The following PHKB variants were observed in gnomAD, a reference collection of about 807,000 sequenced individuals.
PHKB encodes phosphorylase kinase regulatory subunit beta, also known as phosphorylase b kinase regulatory subunit beta.
In PHKB, 122 loss-of-function variants were observed where a neutral mutation model predicts 152.1. The ratio of observed to expected loss-of-function variants is 0.80; its 90% CI spans 0.69 to 0.93. The LOEUF is 0.93. Among genes scored for constraint, PHKB ranks in the 40% least tolerant of loss-of-function variants. The pLI is 0.00. For missense variants in PHKB, 1,304 were observed against 1,328.4 expected (o/e 0.98, Z 0.29); for synonymous variants, 436 against 464.9 (o/e 0.94, Z 0.80).
intron 1 of PHKB, among the ~76,000 whole-genome samples, chr16:47,461,846 C>CA (rs2151623500): frequency 6.6e-6 from 1 of 152,326 alleles, no homozygotes; most frequent in Non-Finnish European, 1.5e-5. Flanking sequence ...GATCTGGCTG[C>CA]AGAAAGCCGG....
chr16:47,574,806 C>T (rs1485676551), intron 7 of PHKB, among the ~76,000 whole-genome samples: 1 of 152,194 alleles, frequency 6.6e-6, no homozygotes, highest in Non-Finnish European at 1.5e-5. Context: ...CATTGGGGAT[C>T]AGATTTCAAC....
At chr16:47,462,745 T>C (rs1234575388) in intron 1 of PHKB, 2 of 151,872 alleles carry the variant, frequency 1.3e-5, no homozygotes, top group African/African-American at 4.8e-5. Flanking sequence ...TTTTTTTTTT[T>C]TTTTGGAGAA....
At chr16:47,564,489 G>C (rs566631561) in intron 7 of PHKB, among the ~76,000 whole-genome samples, 1 of 152,018 alleles carries the variant, frequency 6.6e-6, no homozygotes, top group East Asian at 1.9e-4. Flanking sequence ...AGAAATGTCT[G>C]CTCTTGTCGT....
chr16:47,497,559 A>G (rs1210708456), intron 2 of PHKB, 71 bp downstream of exon 2: 3 of 867,106 alleles, frequency 3.5e-6, no homozygotes, highest in African/African-American at 3.3e-5. Flanking sequence ...TAGTTAAATT[A>G]TGTACATTAT....
intron 6 of PHKB, among the ~76,000 whole-genome samples, chr16:47,526,422 AT>A (rs1970768855): frequency 6.6e-6 from 1 of 151,782 alleles, no homozygotes; most frequent in Non-Finnish European, 1.5e-5. Context: ...AAAAAAAAAA[AT>A]TATTCACCGT....
At chr16:47,504,881 G>A (rs568761722) in intron 4 of PHKB, among the ~76,000 whole-genome samples, 1 of 152,356 alleles carries the variant, frequency 6.6e-6, no homozygotes, top group South Asian at 2.1e-4. Flanking sequence ...TCTCACCCAG[G>A]GCGGTGCCCC....
intron 7 of PHKB, among the ~76,000 whole-genome samples, chr16:47,557,947 C>T (rs540216057): frequency 2.4e-4 from 37 of 152,066 alleles, no homozygotes; most frequent in East Asian, 2.3e-3. Context: ...ATGTTTATTG[C>T]GGTACTATTC....
intron 23 of PHKB, among the ~76,000 whole-genome samples, chr16:47,663,098 T>C (rs1447308874): frequency 6.6e-6 from 1 of 152,130 alleles, no homozygotes; most frequent in Non-Finnish European, 1.5e-5. Context: ...AAGTTTAGAG[T>C]AAAATGTTAA....
chr16:47,529,959 A>G (rs1019869008), intron 6 of PHKB: 1 of 152,144 alleles, frequency 6.6e-6, no homozygotes, highest in Non-Finnish European at 1.5e-5. Flanking sequence ...CAATAGGTGC[A>G]TAAAACATAT....
intron 14 of PHKB, 147 bp downstream of exon 14, chr16:47,611,067 G>C (rs1045335992): frequency 1.5e-6 from 1 of 683,952 alleles, no homozygotes; most frequent in Admixed American, 2.2e-5. Flanking sequence ...ATTTACTTGT[G>C]GTGAAGGGCT....
At chr16:47,612,004 G>A (rs1376415079) in intron 14 of PHKB, among the ~76,000 whole-genome samples, 2 of 152,150 alleles carry the variant, frequency 1.3e-5, no homozygotes, top group Admixed American at 6.5e-5. Flanking sequence ...AGCACTTGGC[G>A]ACGTGTTGGG....
intron 13 of PHKB, among the ~76,000 whole-genome samples, chr16:47,607,720 C>A (rs1972351886): frequency 6.6e-6 from 1 of 152,170 alleles, no homozygotes; most frequent in Admixed American, 6.5e-5. Flanking sequence ...TGGGTCTATG[C>A]TAAGTCTTAC....
Position 47,461,350 on chromosome 16 carries a change from G to T in PHKB, c.-1G>T, listed in dbSNP as rs767218182. 14 of 1,609,370 alleles carry T rather than the reference G, an allele frequency of 8.7e-6. No homozygotes were observed. Among genetic ancestry groups the T allele is most frequent in the East Asian group, 4.5e-5 (2 of 44,742 alleles). On this transcript the variant is annotated 5_prime_UTR_variant, in exon 1 of 31. Coordinates refer to ENST00000323584, the MANE Select transcript of PHKB (RefSeq NM_000293.3). ...GTGGCCAAGGCGGCGACCGGAGCGC[G>T]ATGGCGGGGGCGGCGGGACTCACGG...
At chr16:47,466,463 G>A (rs1322002240) in intron 1 of PHKB, among the ~76,000 whole-genome samples, 3 of 152,176 alleles carry the variant, frequency 2.0e-5, no homozygotes, top group Non-Finnish European at 4.4e-5. Flanking sequence ...TTGTGATGAG[G>A]TAGGAAACGG....
At chr16:47,539,890 G>T (rs1033399135) in intron 6 of PHKB, among the ~76,000 whole-genome samples, 11 of 152,294 alleles carry the variant, frequency 7.2e-5, no homozygotes, top group Admixed American at 1.3e-4. Flanking sequence ...ATTGTAAAAT[G>T]TGTGTTTGAA....
chr16:47,666,175 G>A (rs1255624493), intron 25 of PHKB: 7 of 711,726 alleles, frequency 9.8e-6, no homozygotes, highest in Non-Finnish European at 1.8e-5. Context: ...TTCTATCAAA[G>A]TCTCCTTCCC....
Position 47,461,959 on chromosome 16 carries a change from C to T in PHKB, c.76+533C>T, listed in dbSNP as rs139508300. ...CTAGCAGAAACTGAAGGAGACTGGG[C>T]CTCAGATATTGAAGAGTATAGTTAG... On this transcript the variant is annotated intron_variant, in intron 1 of 30. Transcript: ENST00000323584. 6.9e-3 allele frequency among the ~76,000 whole-genome samples: 1,046 copies of T among 152,192 alleles called. 14 individuals carry two copies. The highest frequency in any genetic ancestry group is 0.024 in the African/African-American group (1,002 of 41,528).
At chr16:47,572,150 G>A (rs1218034613) in intron 7 of PHKB, among the ~76,000 whole-genome samples, 2 of 152,216 alleles carry the variant, frequency 1.3e-5, no homozygotes, top group Admixed American at 6.5e-5. Context: ...CAGAGGGAAA[G>A]GGAGGGGACT....
intron 4 of PHKB, among the ~76,000 whole-genome samples, chr16:47,510,783 C>G (rs1386951060): frequency 1.3e-5 from 2 of 152,076 alleles, no homozygotes; most frequent in East Asian, 3.9e-4. Flanking sequence ...TGAATTGAAA[C>G]AAAGCAAGAA....
Sources: gnomAD v4.1 joint callset for allele counts (sites outside exome capture counted in the v4.1 genomes callset) on GRCh38, gnomAD v4.1.1 for gene constraint, MANE v1.5 for transcripts, NCBI Gene and HGNC (gene_info 2026-07-23, HGNC 2026-07-21) for gene names.